FAM156A: variants seen among roughly 807,000 people sequenced by gnomAD.
FAM156A encodes family with sequence similarity 156 member A.
chrX:52,989,547 C>T (rs187578980), intron 1 of FAM156A, among the ~76,000 whole-genome samples: 52 of 112,823 alleles, frequency 4.6e-4, no homozygotes, highest in African/African-American at 1.7e-3. Context: ...GGGCCTGCAG[C>T]TGCACAGCAG....
intron 1 of FAM156A, among the ~76,000 whole-genome samples, chrX:52,977,046 A>G (rs1206707944): frequency 9.4e-6 from 1 of 106,269 alleles, no homozygotes; most frequent in African/African-American, 3.4e-5. Flanking sequence ...ACACATATAT[A>G]TATACACACA....
At chrX:52,983,731 CCA>C (rs1930070257) in intron 1 of FAM156A, among the ~76,000 whole-genome samples, 1 of 112,050 alleles carries the variant, frequency 8.9e-6, no homozygotes, top group African/African-American at 3.2e-5. Flanking sequence ...GGCTGTGCTC[CCA>C]CCCCACAATC....
chrX:52,973,294 C>A lies in FAM156A; in HGVS notation c.-433-9059G>T, dbSNP rs12835130. Among the ~76,000 whole-genome samples, 22 of 108,495 alleles carry A rather than the reference C, an allele frequency of 2.0e-4. 1 individual carries two copies. The highest frequency in any genetic ancestry group is 7.8e-4 in the South Asian group (2 of 2,571). The allele number at this position is 108,495 out of a possible 115,157, so 94.2% of individuals were successfully genotyped here. A position where few individuals can be genotyped will look rare whatever the true frequency, so the allele number is the denominator to read the frequency against. Reference sequence around the variant, plus strand: ...AAAAGAGAGAAAATAACTACAGCAACAACACAACTGAAGTCCAGTTCAGCT... The same window carrying A: ...AAAAGAGAGAAAATAACTACAGCAAAAACACAACTGAAGTCCAGTTCAGCT... On this transcript the variant is annotated intron_variant, in intron 1 of 4. Coordinates refer to the FAM156A transcript ENST00000610625.
intron 1 of FAM156A, among the ~76,000 whole-genome samples, chrX:52,987,489 G>T (rs1187193755): frequency 9.1e-6 from 1 of 109,765 alleles, no homozygotes; most frequent in African/African-American, 3.3e-5. Flanking sequence ...CCCCATCTCT[G>T]CAAAAAATAA....
chrX:52,993,923 A>G (rs370169437), intron 1 of FAM156A, among the ~76,000 whole-genome samples: 3 of 111,271 alleles, frequency 2.7e-5, no homozygotes. Flanking sequence ...TAAGATGCAC[A>G]GATGCCCTCC....
chrX:52,984,142 CA>C (rs1175676063), intron 1 of FAM156A, among the ~76,000 whole-genome samples: 3 of 104,907 alleles, frequency 2.9e-5, no homozygotes, highest in East Asian at 2.9e-4. Context: ...AATATCAGCA[CA>C]AAAAAAAAAG....
chrX:52,977,105 C>CAT (rs59645649), intron 1 of FAM156A, among the ~76,000 whole-genome samples: 12,081 of 97,334 alleles, frequency 0.12, 640 homozygotes, highest in Non-Finnish European at 0.14. Flanking sequence ...CACACACACA[C>CAT]ATATATATAT....
intron 1 of FAM156A, among the ~76,000 whole-genome samples, chrX:52,988,807 T>C (rs782073098): frequency 8.9e-6 from 1 of 112,389 alleles, no homozygotes; most frequent in Admixed American, 9.4e-5. Context: ...GTGCAGTAAT[T>C]CATAGTGTGA....
intron 1 of FAM156A, among the ~76,000 whole-genome samples, chrX:52,990,323 T>C (rs1346823536): frequency 1.8e-5 from 2 of 111,584 alleles, no homozygotes; most frequent in African/African-American, 3.3e-5. Context: ...CTTCCCTGAC[T>C]GAAAGGAAAA....
At chrX:52,976,351 G>A (rs1295717054) in intron 1 of FAM156A, among the ~76,000 whole-genome samples, 12 of 110,804 alleles carry the variant, frequency 1.1e-4, no homozygotes, top group Non-Finnish European at 2.3e-4. Context: ...GGCTGAGGCA[G>A]GAAAACTGCT....
At chrX:52,994,003 C>T (rs1556796147) in intron 1 of FAM156A, among the ~76,000 whole-genome samples, 1 of 110,970 alleles carries the variant, frequency 9.0e-6, no homozygotes. Flanking sequence ...GTGACTTGCC[C>T]AATGTCACAC....
chrX:52,990,801 G>A (rs868928888), intron 1 of FAM156A, among the ~76,000 whole-genome samples: 63 of 82,060 alleles, frequency 7.7e-4, no homozygotes, highest in African/African-American at 3.0e-3. Flanking sequence ...AGAAAAGAAA[G>A]AAAAGAAAAG....
intron 1 of FAM156A, among the ~76,000 whole-genome samples, chrX:52,993,068 G>T (rs1556795928): frequency 9.0e-6 from 1 of 111,332 alleles, no homozygotes; most frequent in Non-Finnish European, 1.9e-5. Context: ...CTGTGACATG[G>T]GAGAACCCCA....
intron 1 of FAM156A, among the ~76,000 whole-genome samples, chrX:52,990,779 C>CGAAAAGAAAAAA (rs1930653424): frequency 7.9e-5 from 3 of 38,012 alleles, no homozygotes; most frequent in African/African-American, 2.8e-4. Flanking sequence ...GTGAGACTGT[C>CGAAAAGAAAAAA]AAGAAAAGAA....
chrX:52,993,321 C>T (rs782111280), intron 1 of FAM156A, among the ~76,000 whole-genome samples: 1 of 110,163 alleles, frequency 9.1e-6, no homozygotes, highest in African/African-American at 3.3e-5. Context: ...GCTCAGTCAT[C>T]ACCTCTCCAG....
chrX:52,981,768 G>A (rs1476517535), intron 1 of FAM156A, among the ~76,000 whole-genome samples: 7 of 110,716 alleles, frequency 6.3e-5, no homozygotes, highest in East Asian at 5.6e-4. Flanking sequence ...TTGTGCACTC[G>A]GCAGTCAGTA....
intron 1 of FAM156A, among the ~76,000 whole-genome samples, chrX:52,982,013 G>A (rs1445274428): frequency 9.0e-6 from 1 of 111,463 alleles, no homozygotes; most frequent in Admixed American, 9.5e-5. Flanking sequence ...AAACTACAAT[G>A]AGATATCATC....
At chrX:52,991,419 G>A (rs1377837299) in intron 1 of FAM156A, among the ~76,000 whole-genome samples, 1 of 111,129 alleles carries the variant, frequency 9.0e-6, no homozygotes, top group Admixed American at 9.6e-5. Flanking sequence ...TCGAGGGATC[G>A]GACAATGCCC....
At chrX:52,992,881 A>T (rs797029680) in intron 1 of FAM156A, among the ~76,000 whole-genome samples, 1 of 111,587 alleles carries the variant, frequency 9.0e-6, no homozygotes, top group South Asian at 3.8e-4. Context: ...GTATTATCAT[A>T]AATAATTTCT....
Sources: gnomAD v4.1 joint callset for allele counts (sites outside exome capture counted in the v4.1 genomes callset) on GRCh38, gnomAD v4.1.1 for gene constraint, MANE v1.5 for transcripts, NCBI Gene and HGNC (gene_info 2026-07-23, HGNC 2026-07-21) for gene names.